The following CCDC141 variants were observed in gnomAD, a reference collection of about 807,000 sequenced individuals.
CCDC141 encodes the protein coiled-coil domain-containing protein 141.
A neutral mutation model predicts 181.0 loss-of-function variants in CCDC141; 168 were observed. That is an observed-to-expected ratio of 0.93 (90% CI 0.82 to 1.05). CCDC141 has a LOEUF of 1.05. Ranked by LOEUF, CCDC141 falls within the 50% of genes least tolerant of loss-of-function variation. The pLI, the probability that CCDC141 is intolerant of heterozygous loss-of-function variation, is 0.00. For missense variants in CCDC141, 1,902 were observed against 1,788.5 expected, an observed-to-expected ratio of 1.06 and a Z score of -1.14; for synonymous variants, 666 against 642.3, an observed-to-expected ratio of 1.04 and a Z score of -0.56.
chr2:178,864,791 C>T (rs887313613), intron 17 of CCDC141, among the ~76,000 whole-genome samples: 8 of 152,218 alleles, frequency 5.3e-5, no homozygotes, highest in African/African-American at 1.9e-4. Context: ...ATATTTGATA[C>T]TTGCTGGGTC....
At position 178,861,099 on chromosome 2, in the gene CCDC141, T is replaced by C. The variant is rs116079669; in HGVS notation, c.2724+4668A>G. 4.8e-3 allele frequency among the ~76,000 whole-genome samples: 726 copies of C among 152,110 alleles called. 7 individuals are homozygous for C. Among genetic ancestry groups the C allele is most frequent in the African/African-American group, 0.017 (689 of 41,532 alleles). On this transcript the variant is annotated intron_variant, in intron 17 of 23. Coordinates refer to ENST00000443758, the MANE Select transcript of CCDC141 (RefSeq NM_173648.4). Reference sequence around the variant, plus strand: ...CCCAGGATGGGGCCCACTAGAGGAATGGCTGTGACTGTGAAGTCCCATGGG... The same window carrying C: ...CCCAGGATGGGGCCCACTAGAGGAACGGCTGTGACTGTGAAGTCCCATGGG...
chr2:179,047,472 A>G, intron 1 of CCDC141, 66 bp from the exon 2 acceptor site: 3 of 1,287,692 alleles, frequency 2.3e-6, no homozygotes, highest in Non-Finnish European at 2.0e-6. Flanking sequence ...CACCCTTCTC[A>G]TTTTTAATAT....
chr2:178,869,652 T>C (rs535228528), intron 14 of CCDC141, among the ~76,000 whole-genome samples: 2 of 152,340 alleles, frequency 1.3e-5, no homozygotes, highest in Admixed American at 1.3e-4. Flanking sequence ...TGATTATCTC[T>C]GATATTTAAT....
chr2:178,858,604 A>G (rs1685481767), intron 17 of CCDC141, among the ~76,000 whole-genome samples: 1 of 152,166 alleles, frequency 6.6e-6, no homozygotes. Flanking sequence ...CCACTAAACT[A>G]TACACTTAAA....
chr2:178,916,720 A>C (rs1407771760), intron 7 of CCDC141, among the ~76,000 whole-genome samples: 3 of 152,118 alleles, frequency 2.0e-5, no homozygotes, highest in Non-Finnish European at 4.4e-5. Flanking sequence ...TTCTAACACT[A>C]TTCTGAGTGC....
At chr2:178,916,587 A>G (rs1410621484) in intron 7 of CCDC141, among the ~76,000 whole-genome samples, 1 of 152,108 alleles carries the variant, frequency 6.6e-6, no homozygotes, top group South Asian at 2.1e-4. Flanking sequence ...ATGATTAAAC[A>G]TCTACATTCC....
At chr2:178,963,413 GT>G (rs368404547) in intron 4 of CCDC141, among the ~76,000 whole-genome samples, 5 of 150,148 alleles carry the variant, frequency 3.3e-5, no homozygotes, top group African/African-American at 4.9e-5. Flanking sequence ...CAAATATACT[GT>G]TTTTTTTTGT....
chr2:178,891,967 C>T (rs994119581), intron 8 of CCDC141, among the ~76,000 whole-genome samples: 3 of 151,956 alleles, frequency 2.0e-5, no homozygotes, highest in Admixed American at 6.6e-5. Flanking sequence ...ATATCAATGC[C>T]CATTTTCAAA....
At chr2:178,847,143 A>C (rs1182817547) in intron 21 of CCDC141, among the ~76,000 whole-genome samples, 1 of 152,102 alleles carries the variant, frequency 6.6e-6, no homozygotes, top group Non-Finnish European at 1.5e-5. Flanking sequence ...CCCAAATTAA[A>C]CATCTTCAAG....
chr2:179,028,694 T>C (rs919862966), intron 2 of CCDC141, among the ~76,000 whole-genome samples: 7 of 152,244 alleles, frequency 4.6e-5, no homozygotes, highest in Non-Finnish European at 7.3e-5. Flanking sequence ...TTCTAAAATA[T>C]ATTCTTTATA....
intron 2 of CCDC141, among the ~76,000 whole-genome samples, chr2:178,985,941 G>T (rs544974575): frequency 1.4e-3 from 210 of 152,290 alleles, no homozygotes; most frequent in African/African-American, 4.9e-3. Flanking sequence ...AATAGAAAAA[G>T]AGGGAATCCA....
chr2:178,868,662 A>G (rs375441770), intron 15 of CCDC141, among the ~76,000 whole-genome samples: 4 of 123,792 alleles, frequency 3.2e-5, no homozygotes, highest in African/African-American at 1.2e-4. Flanking sequence ...AGAGCCTAGA[A>G]TTGAATTGGG....
At chr2:178,825,870 GT>G (rs1278259607), downstream of CCDC141, among the ~76,000 whole-genome samples, 2 of 152,068 alleles carry the variant, frequency 1.3e-5, no homozygotes, top group South Asian at 2.1e-4. Flanking sequence ...AGTTCCAAGA[GT>G]TTTTTGTAGA....
intron 6 of CCDC141, among the ~76,000 whole-genome samples, chr2:178,925,420 G>A (rs927477269): frequency 2.0e-5 from 3 of 152,184 alleles, no homozygotes; most frequent in Non-Finnish European, 4.4e-5. Context: ...AAATACTGAA[G>A]CAAATGGCTA....
chr2:178,917,605 A>G (rs1688508825), intron 7 of CCDC141, among the ~76,000 whole-genome samples: 1 of 152,230 alleles, frequency 6.6e-6, no homozygotes, highest in Non-Finnish European at 1.5e-5. Flanking sequence ...AGTGAAATTT[A>G]AGGTATGAAA....
intron 5 of CCDC141, among the ~76,000 whole-genome samples, chr2:178,958,432 C>T (rs1690249953): frequency 6.6e-6 from 1 of 152,058 alleles, no homozygotes; most frequent in South Asian, 2.1e-4. Flanking sequence ...ATCTCTGTAC[C>T]TTTCTCTCAA....
chr2:179,019,251 T>C (rs2042629097), intron 2 of CCDC141, among the ~76,000 whole-genome samples: 1 of 152,130 alleles, frequency 6.6e-6, no homozygotes, highest in Non-Finnish European at 1.5e-5. Context: ...TGCATCTCCC[T>C]GAAGACTCCA....
chr2:179,034,124 A>T (rs2043073617), intron 2 of CCDC141, among the ~76,000 whole-genome samples: 1 of 152,228 alleles, frequency 6.6e-6, no homozygotes, highest in Non-Finnish European at 1.5e-5. Context: ...CTGAATAAAG[A>T]AAATGTGGTA....
At chr2:178,819,084 C>T in the CCDC141 span, among the ~76,000 whole-genome samples, 1 of 152,116 alleles carries the variant, frequency 6.6e-6, no homozygotes, top group Admixed American at 6.6e-5. Context: ...AGTAAAAAAG[C>T]TACATTCTTG....
Sources: gnomAD v4.1 joint callset for allele counts (sites outside exome capture counted in the v4.1 genomes callset) on GRCh38, gnomAD v4.1.1 for gene constraint, MANE v1.5 for transcripts, NCBI Gene and HGNC (gene_info 2026-07-23, HGNC 2026-07-21) for gene names.